Variants in XYLT1 observed in about 807,000 individuals in gnomAD.
XYLT1 encodes beta-D-xylosyltransferase 1.
XYLT1 carries 36 observed loss-of-function variants against 91.3 expected under a neutral mutation model. The ratio of observed to expected loss-of-function variants is 0.39; its 90% CI spans 0.30 to 0.52. The LOEUF is 0.52. XYLT1 is among the 20% of genes least tolerant of loss of function. The pLI, the probability that XYLT1 is intolerant of heterozygous loss-of-function variation, is 0.68. For synonymous variants in XYLT1, 588 were observed against 532.0 expected, an observed-to-expected ratio of 1.11 and a Z score of -1.45; for missense variants, 1,242 against 1,284.5, an observed-to-expected ratio of 0.97 and a Z score of 0.51.
chr16:17,262,846 C>T (rs1000068720), intron 2 of XYLT1, among the ~76,000 whole-genome samples: 6 of 152,136 alleles, frequency 3.9e-5, no homozygotes, highest in Admixed American at 1.3e-4. Context: ...GTTACTGTAG[C>T]ATGGTCTAAC....
At chr16:17,450,849 T>C (rs568057305) in intron 1 of XYLT1, among the ~76,000 whole-genome samples, 1 of 151,820 alleles carries the variant, frequency 6.6e-6, no homozygotes, top group East Asian at 1.9e-4. Flanking sequence ...CTGAGGGGAG[T>C]GTAAGACACC....
At chr16:17,407,359 C>T (rs533707527) in intron 1 of XYLT1, among the ~76,000 whole-genome samples, 2 of 152,150 alleles carry the variant, frequency 1.3e-5, no homozygotes, top group Admixed American at 6.5e-5. Context: ...TATAACACAG[C>T]GTTATTTTTA....
At chr16:17,260,501 C>T (rs868097189) in intron 2 of XYLT1, among the ~76,000 whole-genome samples, 2 of 151,982 alleles carry the variant, frequency 1.3e-5, no homozygotes, top group East Asian at 1.9e-4. Flanking sequence ...GGGCAATGGG[C>T]GGCATCCCTG....
chr16:17,219,280 C>CAAAAAAA (rs369055155), intron 3 of XYLT1, among the ~76,000 whole-genome samples: 34 of 84,892 alleles, frequency 4.0e-4, no homozygotes, highest in African/African-American at 7.0e-4. Context: ...GACTTTGTCT[C>CAAAAAAA]AAAAAAAAAA....
chr16:17,181,897 C>T (rs1003607291), intron 5 of XYLT1, among the ~76,000 whole-genome samples: 10 of 152,100 alleles, frequency 6.6e-5, no homozygotes, highest in Non-Finnish European at 1.2e-4. Context: ...ACCATCTCTC[C>T]TTGCTTTGTA....
In XYLT1 at chr16:17,259,151, C is replaced by T. The variant is rs767664625; in HGVS notation, c.750G>A (p.Lys250=). 7.5e-6 allele frequency: 12 copies of T among 1,597,182 alleles called. No individual in the cohort carries two copies. Among genetic ancestry groups the T allele is most frequent in the African/African-American group, 1.4e-5 (1 of 73,862 alleles). Residue 250 remains lysine, a synonymous_variant, in exon 3 of 12, where the codon AAG becomes AAA. Coordinates refer to ENST00000261381, the MANE Select transcript of XYLT1 (RefSeq NM_022166.4). ...RKTGGSSPET[K]YDQPPKCDIS... ...TGTCACACTTAGGGGGCTGGTCATA[C>T]TTGGTCTCGGGGGAGCTGCCCCCAG...
intron 5 of XYLT1, among the ~76,000 whole-genome samples, chr16:17,163,369 G>A (rs1289240845): frequency 7.9e-5 from 12 of 152,134 alleles, no homozygotes; most frequent in Non-Finnish European, 7.4e-5. Flanking sequence ...AGGAGCCCAG[G>A]CTGTATGGAA....
intron 6 of XYLT1, among the ~76,000 whole-genome samples, chr16:17,143,127 G>A (rs1176765944): frequency 6.6e-6 from 1 of 152,072 alleles, no homozygotes; most frequent in Non-Finnish European, 1.5e-5. Flanking sequence ...TGGTGACGTG[G>A]GCATGTTGGG....
chr16:17,320,288 G>T (rs1360726111), intron 2 of XYLT1, among the ~76,000 whole-genome samples: 3 of 152,102 alleles, frequency 2.0e-5, no homozygotes, highest in African/African-American at 4.8e-5. Context: ...CTCAATAAAG[G>T]CTTGATGAGG....
chr16:17,111,224 A>T (rs1597125813), intron 11 of XYLT1, among the ~76,000 whole-genome samples: 1 of 152,258 alleles, frequency 6.6e-6, no homozygotes, highest in Non-Finnish European at 1.5e-5. Flanking sequence ...TGTACGTAAG[A>T]GTGACTACTA....
chr16:17,369,536 C>T (rs1467876727), intron 1 of XYLT1: 2 of 152,140 alleles, frequency 1.3e-5, no homozygotes, highest in East Asian at 3.9e-4. Context: ...CCATACCTTA[C>T]CCCTCCCCCA....
chr16:17,297,977 C>T (rs575965753), intron 2 of XYLT1, among the ~76,000 whole-genome samples: 38 of 151,304 alleles, frequency 2.5e-4, no homozygotes, highest in East Asian at 1.9e-3. Context: ...GCCGAGATCG[C>T]GCCACTGCAC....
At chr16:17,375,814 G>A (rs2035593208) in intron 1 of XYLT1, among the ~76,000 whole-genome samples, 1 of 152,364 alleles carries the variant, frequency 6.6e-6, no homozygotes, top group African/African-American at 2.4e-5. Context: ...GGTGGCTTCC[G>A]GAGCCCGGCC....
intron 1 of XYLT1, among the ~76,000 whole-genome samples, chr16:17,452,388 C>T (rs1409011433): frequency 6.6e-6 from 1 of 150,986 alleles, no homozygotes; most frequent in Non-Finnish European, 1.5e-5. Flanking sequence ...TTTGAGAGGC[C>T]AAGGCAGGAG....
At position 17,108,676 on chromosome 16, in the gene XYLT1, C is replaced by A; in HGVS notation, c.*19G>T. Reference sequence around the variant, plus strand: ...TTTCCCGTTGAGATCCTGCTGTGGCCCACTCCTCGTGCCCAGTGCTACCTG... The same window carrying A: ...TTTCCCGTTGAGATCCTGCTGTGGCACACTCCTCGTGCCCAGTGCTACCTG... On this transcript the variant is annotated 3_prime_UTR_variant, in exon 12 of 12. Coordinates refer to ENST00000261381, the MANE Select transcript of XYLT1 (RefSeq NM_022166.4). 2.6e-6 allele frequency: 4 copies of A among 1,540,592 alleles called. No individual in the cohort carries two copies. The highest frequency in any genetic ancestry group is 3.5e-6 in the Non-Finnish European group (4 of 1,144,256).
intron 7 of XYLT1, among the ~76,000 whole-genome samples, chr16:17,139,892 A>G (rs933008737): frequency 6.6e-6 from 1 of 152,248 alleles, no homozygotes; most frequent in Non-Finnish European, 1.5e-5. Context: ...GGGGGCAGTC[A>G]GCCCTCCCCG....
At chr16:17,145,751 C>A (rs780794323) in intron 6 of XYLT1, among the ~76,000 whole-genome samples, 1 of 152,200 alleles carries the variant, frequency 6.6e-6, no homozygotes, top group Non-Finnish European at 1.5e-5. Context: ...TTAATCACAA[C>A]CATGATGTGT....
chr16:17,108,620 G>A lies in XYLT1; in HGVS notation c.*75C>T, dbSNP rs191976617. 4.5e-5 allele frequency: 64 copies of A among 1,415,108 alleles called. No individual in the cohort carries two copies. Among genetic ancestry groups the A allele is most frequent in the East Asian group, 2.9e-4 (12 of 41,206 alleles). 87.7% of individuals were successfully genotyped at this position (1,415,108 alleles called of 1,614,324 possible). ...AGGGCCTCCCCCAGGGTGGGAGGCC[G>A]GGGTTCAGGCCCCACAACCCCTCTG... On this transcript the variant is annotated 3_prime_UTR_variant, in exon 12 of 12. Coordinates refer to ENST00000261381, the MANE Select transcript of XYLT1 (RefSeq NM_022166.4).
intron 2 of XYLT1, among the ~76,000 whole-genome samples, chr16:17,329,370 G>A (rs893642099): frequency 2.6e-5 from 4 of 152,304 alleles, no homozygotes; most frequent in Non-Finnish European, 2.9e-5. Context: ...ACATTGCTGC[G>A]TAACTGTAAA....
Sources: allele counts gnomAD v4.1 joint callset (sites outside exome capture counted in the v4.1 genomes callset), GRCh38; gene constraint gnomAD v4.1.1; transcripts MANE v1.5; gene names NCBI Gene and HGNC (gene_info 2026-07-23, HGNC 2026-07-21).